NPHP4: variants seen among roughly 807,000 people sequenced by gnomAD.
The protein encoded by NPHP4 is nephrocystin-4.
NPHP4 carries 151 observed loss-of-function variants against 155.8 expected under a neutral mutation model. The observed-to-expected ratio is 0.97, with a 90% CI of 0.85 to 1.11. NPHP4 has a LOEUF of 1.11. Ranked by LOEUF, NPHP4 falls within the 50% of genes least tolerant of loss-of-function variation. NPHP4 has a pLI of 0.00. For synonymous variants in NPHP4, 845 were observed against 816.8 expected (o/e 1.03, Z -0.59); for missense variants, 1,956 against 1,925.7 (o/e 1.02, Z -0.29).
At chr1:5,902,145 A>T (rs887797022) in intron 16 of NPHP4, among the ~76,000 whole-genome samples, 3 of 152,188 alleles carry the variant, frequency 2.0e-5, no homozygotes, top group Non-Finnish European at 1.5e-5. Context: ...AGCTCAACTG[A>T]CTGGGGATGG....
intron 27 of NPHP4, 80 bp from the exon 28 acceptor site, chr1:5,864,597 A>G: frequency 7.5e-7 from 1 of 1,332,468 alleles, no homozygotes; most frequent in South Asian, 1.6e-5. Flanking sequence ...CTGCAGCCCA[A>G]TCAGCCAGGG....
At chr1:5,983,819 A>G (rs1655072936) in intron 2 of NPHP4, among the ~76,000 whole-genome samples, 1 of 152,150 alleles carries the variant, frequency 6.6e-6, no homozygotes, top group African/African-American at 2.4e-5. Context: ...CTTGAAATCT[A>G]CTTTTTCTGA....
At position 5,926,314 on chromosome 1, in the gene NPHP4, C is replaced by T. The variant is rs552147076; in HGVS notation, c.1441+1335G>A. Among the ~76,000 whole-genome samples, 30 of 152,198 alleles carry T rather than the reference C, an allele frequency of 2.0e-4. 1 individual carries two copies. The highest frequency in any genetic ancestry group is 6.3e-4 in the African/African-American group (26 of 41,534). On this transcript the variant is annotated intron_variant, in intron 11 of 29. Coordinates refer to ENST00000378156, the MANE Select transcript of NPHP4 (RefSeq NM_015102.5). Reference sequence around the variant, plus strand: ...GAAATCAACTATTAAGTTTTGGTACCGGAATATTCTTAGATAGCTCAGAGA... The same window carrying T: ...GAAATCAACTATTAAGTTTTGGTACTGGAATATTCTTAGATAGCTCAGAGA...
chr1:5,872,147 C>T (rs185398975), intron 23 of NPHP4, among the ~76,000 whole-genome samples: 15 of 152,358 alleles, frequency 9.8e-5, no homozygotes, highest in Admixed American at 5.2e-4. Context: ...AGGTCACAGA[C>T]TGGCCATGCT....
rs1646973569 is a variant in NPHP4 at position 5,944,313 on chromosome 1, C to T, written c.1119+2791G>A. 1.3e-5 allele frequency among the ~76,000 whole-genome samples: 2 copies of T among 152,194 alleles called. No individual in the cohort carries two copies. The highest frequency in any genetic ancestry group is 4.8e-5 in the African/African-American group (2 of 41,436). On this transcript the variant is annotated intron_variant, in intron 9 of 29. Transcript: ENST00000378156. This position sits in a 1 kb window ranked among gnomAD's most constrained non-coding sequence, Gnocchi z 4.3. The stretch of plus-strand genomic sequence containing the variant: ...ACAACCACACCCAGCTGAAAAAATC[C>T]CCACCCAGCTGAAGAAGGCTGCTCT...
intron 2 of NPHP4, among the ~76,000 whole-genome samples, chr1:5,982,721 T>C (rs181386116): frequency 2.8e-4 from 43 of 152,380 alleles, no homozygotes; most frequent in Non-Finnish European, 4.7e-4. Context: ...GTATTAGTTA[T>C]ATCCTATAAA....
At chr1:5,949,370 A>ACACACAC (rs55949618) in intron 7 of NPHP4, among the ~76,000 whole-genome samples, 1 of 149,146 alleles carries the variant, frequency 6.7e-6, no homozygotes, top group Non-Finnish European at 1.5e-5. Context: ...ACACACACAC[A>ACACACAC]ACTTGCTAAC....
chr1:5,877,267 C>T lies in NPHP4; in HGVS notation c.2643G>A (p.Ala881=), dbSNP rs3747990. The T allele has an allele frequency of 0.15, 243,978 of 1,600,490 alleles. 19,880 individuals carry two copies. Among genetic ancestry groups the T allele is most frequent in the Non-Finnish European group, 0.17 (195,008 of 1,169,780 alleles). ...RKHVVQAQKL[A]DVDSELAAML... is the part of the protein sequence containing the mutation. ...TGGCAGCCAGCTCACTGTCCACGTCCGCCAGCTTCTGTGCTTGCACCACGT... is the reference window on the plus strand; with the variant it reads ...TGGCAGCCAGCTCACTGTCCACGTCTGCCAGCTTCTGTGCTTGCACCACGT... Residue 881 remains alanine, a synonymous_variant, in exon 20 of 30, where the codon GCG becomes GCA. Transcript: ENST00000378156.
intron 11 of NPHP4, among the ~76,000 whole-genome samples, chr1:5,914,027 G>T (rs539176730): frequency 6.6e-6 from 1 of 152,066 alleles, no homozygotes; most frequent in African/African-American, 2.4e-5. Flanking sequence ...TCACGCACGC[G>T]GGCCAGGACA....
chr1:5,985,121 C>T lies in NPHP4; in HGVS notation c.135+1034G>A, dbSNP rs184959790. Reference sequence around the variant, plus strand: ...CTCAATCCAAGGGCTTGGAATTGAACGATATAGAACATCAGTGATTTAATA... The same window carrying T: ...CTCAATCCAAGGGCTTGGAATTGAATGATATAGAACATCAGTGATTTAATA... On this transcript the variant is annotated intron_variant, in intron 2 of 29. Transcript: ENST00000378156. Among the ~76,000 whole-genome samples the T allele has an allele frequency of 2.0e-3, 305 of 152,282 alleles. 2 individuals carry two copies. The highest frequency in any genetic ancestry group is 3.9e-3 in the South Asian group (19 of 4,824).
chr1:5,978,538 G>A, intron 2 of NPHP4, 125 bp from the exon 3 acceptor site: 1 of 866,564 alleles, frequency 1.2e-6, no homozygotes, highest in Non-Finnish European at 1.8e-6. Flanking sequence ...TTTCCTTATT[G>A]GGAGGCTACC....
At chr1:5,990,725 G>C (rs1656118657) in intron 1 of NPHP4, among the ~76,000 whole-genome samples, 1 of 152,178 alleles carries the variant, frequency 6.6e-6, no homozygotes, top group Admixed American at 6.5e-5. Context: ...AGGAGGCCAG[G>C]AGAGGCCAAG....
intron 27 of NPHP4, chr1:5,864,838 C>T: frequency 1.8e-6 from 1 of 548,992 alleles, no homozygotes; most frequent in South Asian, 2.7e-5. Context: ...TGTGGCTTCA[C>T]TAACACCAGA....
chr1:5,975,859 C>T lies in NPHP4; in HGVS notation c.279+2411G>A, dbSNP rs10158445. 6.9e-3 allele frequency among the ~76,000 whole-genome samples: 1,054 copies of T among 152,318 alleles called. 9 individuals carry two copies. Among genetic ancestry groups the T allele is most frequent in the African/African-American group, 0.024 (1,007 of 41,572 alleles). On this transcript the variant is annotated intron_variant, in intron 3 of 29. Transcript: ENST00000378156. ...GCATCCATTCCAAAGATCGTCCTAC[C>T]ATGTGACTGGAATTCTACAGGGATC...
At chr1:5,963,839 C>T (rs567293522) in intron 5 of NPHP4, among the ~76,000 whole-genome samples, 2 of 152,180 alleles carry the variant, frequency 1.3e-5, no homozygotes, top group East Asian at 3.9e-4. Context: ...AGGCACCTGC[C>T]CTCACACCTG....
intron 5 of NPHP4, among the ~76,000 whole-genome samples, chr1:5,967,086 A>G (rs1347281557): frequency 6.6e-6 from 1 of 152,150 alleles, no homozygotes; most frequent in East Asian, 1.9e-4. Flanking sequence ...CATCCCCACA[A>G]ACCAATGCCC....
At chr1:5,962,786 A>C (rs1342794639) in intron 5 of NPHP4, among the ~76,000 whole-genome samples, 1 of 152,238 alleles carries the variant, frequency 6.6e-6, no homozygotes, top group African/African-American at 2.4e-5. Context: ...GTGCGGCTAC[A>C]CCGCAGGGCG....
At chr1:5,935,537 T>C (rs550369698) in intron 9 of NPHP4, among the ~76,000 whole-genome samples, 53 of 152,366 alleles carry the variant, frequency 3.5e-4, no homozygotes, top group African/African-American at 1.2e-3. Flanking sequence ...TGAGCAACTA[T>C]AGCATACCAA....
chr1:5,962,295 T>C (rs1226248434), intron 5 of NPHP4, among the ~76,000 whole-genome samples: 1 of 152,206 alleles, frequency 6.6e-6, no homozygotes, highest in Non-Finnish European at 1.5e-5. Context: ...TCCTCCCACC[T>C]TGGCCTCCCA....
Sources: gnomAD v4.1 joint callset for allele counts (sites outside exome capture counted in the v4.1 genomes callset) on GRCh38, gnomAD v4.1.1 for gene constraint, Gnocchi (gnomAD v3.1) non-coding constraint, MANE v1.5 for transcripts, NCBI Gene and HGNC (gene_info 2026-07-23, HGNC 2026-07-21) for gene names.